The following C15orf61 variants were observed in gnomAD, a reference collection of about 807,000 sequenced individuals.
The protein encoded by C15orf61 is chromosome 15 open reading frame 61, also known as uncharacterized protein C15orf61.
C15orf61 carries 12 observed loss-of-function variants against 13.7 expected under a neutral mutation model. The ratio of observed to expected loss-of-function variants is 0.88; its 90% CI spans 0.56 to 1.42. The LOEUF (loss-of-function observed/expected upper bound fraction) is 1.42. Among genes scored for constraint, C15orf61 ranks in the 40% most tolerant of loss-of-function variants. The pLI is 0.00. For synonymous variants in C15orf61, 92 were observed against 94.1 expected, an observed-to-expected ratio of 0.98 and a Z score of 0.13; for missense variants, 248 against 213.2, an observed-to-expected ratio of 1.16 and a Z score of -1.02.
chr15:67,522,288 C>T (rs1431364488), intron 1 of C15orf61: 1 of 693,054 alleles, frequency 1.4e-6, no homozygotes. Flanking sequence ...CAGGGGAAAA[C>T]AGAAGGCCTC....
rs2084206140 is a variant in C15orf61 at position 67,527,616 on chromosome 15, T to C, written c.*1071T>C. The C allele has an allele frequency of 6.6e-6, 1 of 152,230 alleles. No individual in the cohort carries two copies. The highest frequency in any genetic ancestry group is 6.5e-5 in the Admixed American group (1 of 15,290). 9.4% of individuals were successfully genotyped at this position (152,230 alleles called of 1,614,324 possible). A position where few individuals can be genotyped will look rare whatever the true frequency, so the allele number is the denominator to read the frequency against. ...ATATCATTTTATGTTAATGTGTTGC[T>C]GATACTCTGCAACACTTACACATTT... On this transcript the variant is annotated 3_prime_UTR_variant, in exon 2 of 2. Coordinates refer to ENST00000342683, the MANE Select transcript of C15orf61 (RefSeq NM_001143936.2).
In C15orf61 at chr15:67,529,190, C is replaced by T. The variant is rs1405982580; in HGVS notation, c.*2645C>T. On this transcript the variant is annotated 3_prime_UTR_variant, in exon 2 of 2. Transcript: ENST00000342683. This position sits in a 1 kb window ranked among gnomAD's most constrained non-coding sequence, Gnocchi z 4.4. The stretch of plus-strand genomic sequence containing the variant: ...TGTTATTTCTATACAAATGAATTAT[C>T]ACGTATTGGAATAAATTTCTAGGCA... 1 of 152,120 alleles carries T rather than the reference C, an allele frequency of 6.6e-6. No individual in the cohort carries two copies. The highest frequency in any genetic ancestry group is 1.5e-5 in the Non-Finnish European group (1 of 68,046). 9.4% of individuals were successfully genotyped at this position (152,120 alleles called of 1,614,324 possible).
chr15:67,523,733 A>G (rs2084183127), intron 1 of C15orf61, among the ~76,000 whole-genome samples: 1 of 152,218 alleles, frequency 6.6e-6, no homozygotes, highest in African/African-American at 2.4e-5. Context: ...GAAAAAATTG[A>G]ATTTTTCATA....
intron 1 of C15orf61, 30 bp downstream of exon 1, chr15:67,521,624 G>T: frequency 6.8e-7 from 1 of 1,467,558 alleles, no homozygotes; most frequent in Non-Finnish European, 9.2e-7. Context: ...CCCACGCGGT[G>T]AAGCCCGCCC....
intron 1 of C15orf61, 141 bp from the exon 2 acceptor site, chr15:67,526,277 A>G (rs867257818): frequency 5.3e-6 from 3 of 563,690 alleles, no homozygotes; most frequent in Middle Eastern, 9.4e-4. Flanking sequence ...GAGCTCTTAG[A>G]TAATCAGAGT....
Position 67,521,598 on chromosome 15 carries a change from A to G in C15orf61, c.346+4A>G, listed in dbSNP as rs1348266406. 11 of 1,515,414 alleles carry G rather than the reference A, an allele frequency of 7.3e-6. No homozygotes were observed. Among genetic ancestry groups the G allele is most frequent in the Admixed American group, 2.0e-5 (1 of 49,708 alleles). The allele number at this position is 1,515,414 out of a possible 1,614,324, so 93.9% of individuals were successfully genotyped here. A position where few individuals can be genotyped will look rare whatever the true frequency, so the allele number is the denominator to read the frequency against. ...GCGCTCAAGGTCGTCAACCTCGGTG[A>G]GTGGCGACTGCCGCGCCCACGCGGT... is the stretch of plus-strand genomic sequence containing the variant. On this transcript the variant is annotated splice_donor_region_variant and intron_variant, in intron 1 of 1. Coordinates refer to ENST00000342683, the MANE Select transcript of C15orf61 (RefSeq NM_001143936.2).
At position 67,526,701 on chromosome 15, in the gene C15orf61, C is replaced by T. The variant is rs537189814; in HGVS notation, c.*156C>T. The T allele has an allele frequency of 2.0e-4, 133 of 658,938 alleles. 2 individuals are homozygous for T. The South Asian group carries it at 4.1e-3, about 20-fold the overall frequency. 40.8% of individuals were successfully genotyped at this position (658,938 alleles called of 1,614,324 possible). A position where few individuals can be genotyped will look rare whatever the true frequency, so the allele number is the denominator to read the frequency against. ...GAATCATTGCCCTCAAGAGGTGAAG[C>T]TTTTTATACATCGTTATATATTACA... is the stretch of plus-strand genomic sequence containing the variant. On this transcript the variant is annotated 3_prime_UTR_variant, in exon 2 of 2. Coordinates refer to ENST00000342683, the MANE Select transcript of C15orf61 (RefSeq NM_001143936.2).
At chr15:67,521,948 C>T (rs552228795) in intron 1 of C15orf61, 4 of 687,066 alleles carry the variant, frequency 5.8e-6, no homozygotes, top group South Asian at 4.6e-5. Flanking sequence ...AGTTGACATC[C>T]GTCCTACTGC....
At chr15:67,523,046 G>A (rs3743359) in intron 1 of C15orf61, among the ~76,000 whole-genome samples, 18,306 of 151,976 alleles carry the variant, frequency 0.12, 1,220 homozygotes, top group East Asian at 0.2. Flanking sequence ...TTTTTGTTTT[G>A]TTTTGTTTAT....
At chr15:67,522,088 C>G (rs766065540) in intron 1 of C15orf61, 1 of 701,592 alleles carries the variant, frequency 1.4e-6, no homozygotes, top group South Asian at 1.5e-5. Flanking sequence ...CTAAAAGCAC[C>G]AAAGGTTTTC....
At chr15:67,521,871 A>G in intron 1 of C15orf61, 1 of 635,936 alleles carries the variant, frequency 1.6e-6, no homozygotes, top group Admixed American at 2.8e-5. Flanking sequence ...TGTTAACCAG[A>G]GTAGACCCCT....
chr15:67,521,740 C>A, intron 1 of C15orf61, 146 bp downstream of exon 1: 1 of 834,846 alleles, frequency 1.2e-6, no homozygotes, highest in Non-Finnish European at 1.8e-6. Flanking sequence ...GCCTGGGGTC[C>A]TTTGTACTCC....
At chr15:67,521,684 C>G (rs1596527661) in intron 1 of C15orf61, 90 bp downstream of exon 1, 1 of 1,253,648 alleles carries the variant, frequency 8.0e-7, no homozygotes, top group Non-Finnish European at 1.1e-6. Context: ...GCTCGCAGGC[C>G]GGTAGAGTCC....
Position 67,521,187 on chromosome 15 carries a change from C to A in C15orf61, c.-62C>A. 1 of 1,119,856 alleles carries A rather than the reference C, an allele frequency of 8.9e-7. No individual in the cohort carries two copies. Among genetic ancestry groups the A allele is most frequent in the Non-Finnish European group, 1.1e-6 (1 of 898,270 alleles). The allele number at this position is 1,119,856 out of a possible 1,614,324, so 69.4% of individuals were successfully genotyped here. ...CCGGTTGGCCTTCCCGGCGCTCGCCCGGGGGCGCGCTTGCGCGCCAGCGGC... is the reference window on the plus strand; with the variant it reads ...CCGGTTGGCCTTCCCGGCGCTCGCCAGGGGGCGCGCTTGCGCGCCAGCGGC... On this transcript the variant is annotated 5_prime_UTR_variant, in exon 1 of 2. Transcript: ENST00000342683.
chr15:67,523,154 CA>C (rs2084178285), intron 1 of C15orf61, among the ~76,000 whole-genome samples: 1 of 152,036 alleles, frequency 6.6e-6, no homozygotes, highest in South Asian at 2.1e-4. Flanking sequence ...GCAAAAAGGA[CA>C]ACTTTTTGCT....
intron 1 of C15orf61, chr15:67,522,066 A>T (rs1339516685): frequency 1.4e-6 from 1 of 701,262 alleles, no homozygotes; most frequent in Non-Finnish European, 2.6e-6. Context: ...AATTCCCGGC[A>T]AGTTCGTTTT....
intron 1 of C15orf61, among the ~76,000 whole-genome samples, chr15:67,524,596 A>G (rs1393942168): frequency 1.3e-5 from 2 of 152,160 alleles, no homozygotes; most frequent in African/African-American, 2.4e-5. Context: ...TCCTAAAAAT[A>G]GAGAGATGCC....
In C15orf61 at chr15:67,527,053, G is replaced by A. The variant is rs552507969; in HGVS notation, c.*508G>A. 2.0e-5 allele frequency: 3 copies of A among 152,258 alleles called. No homozygotes were observed. Among genetic ancestry groups the A allele is most frequent in the African/African-American group, 7.2e-5 (3 of 41,550 alleles). 9.4% of individuals were successfully genotyped at this position (152,258 alleles called of 1,614,324 possible). A position where few individuals can be genotyped will look rare whatever the true frequency, so the allele number is the denominator to read the frequency against. ...AGCTGCCAGGATTGTAAATAGAAAC[G>A]TTTTAAAGGCCTTGTGCCATTTACC... On this transcript the variant is annotated 3_prime_UTR_variant, in exon 2 of 2. Transcript: ENST00000342683.
At chr15:67,522,458 T>A (rs756818912) in intron 1 of C15orf61, among the ~76,000 whole-genome samples, 40 of 152,222 alleles carry the variant, frequency 2.6e-4, no homozygotes, top group Non-Finnish European at 4.3e-4. Flanking sequence ...TACTATTACA[T>A]AATCTGATCG....
Sources: allele counts gnomAD v4.1 joint callset (sites outside exome capture counted in the v4.1 genomes callset), GRCh38; gene constraint gnomAD v4.1.1; non-coding constraint Gnocchi (gnomAD v3.1); transcripts MANE v1.5; gene names NCBI Gene and HGNC (gene_info 2026-07-23, HGNC 2026-07-21).